The following IL17RD variants were observed in gnomAD, a reference collection of about 807,000 sequenced individuals.
IL17RD encodes the protein interleukin 17 receptor D.
A neutral mutation model predicts 80.5 loss-of-function variants in IL17RD; 52 were observed. The observed-to-expected ratio is 0.65, with a 90% CI of 0.52 to 0.81. IL17RD has a LOEUF of 0.81. IL17RD is among the 40% of genes least tolerant of loss of function. The pLI is 0.00. For synonymous variants in IL17RD, 416 were observed against 391.8 expected (o/e 1.06, Z -0.73); for missense variants, 1,024 against 955.1 (o/e 1.07, Z -0.95).
intron 11 of IL17RD, among the ~76,000 whole-genome samples, chr3:57,099,481 T>C (rs1036427915): frequency 2.0e-5 from 3 of 152,220 alleles, no homozygotes; most frequent in African/African-American, 4.8e-5. Context: ...TCCCAATGGC[T>C]ATGACGAAAC....
At chr3:57,111,004 C>A (rs940188482) in intron 3 of IL17RD, among the ~76,000 whole-genome samples, 5 of 152,248 alleles carry the variant, frequency 3.3e-5, no homozygotes, top group Non-Finnish European at 4.4e-5. Flanking sequence ...GAGCTCCCCC[C>A]ACTGCACGTC....
At chr3:57,169,772 G>C (rs1376851674), upstream of IL17RD, among the ~76,000 whole-genome samples, 2 of 152,212 alleles carry the variant, frequency 1.3e-5, no homozygotes, top group African/African-American at 4.8e-5. Context: ...GAGGGTGCAA[G>C]GTTTCCCAGG....
intron 1 of IL17RD, among the ~76,000 whole-genome samples, chr3:57,149,941 C>T (rs149609130): frequency 4.5e-4 from 68 of 152,220 alleles, no homozygotes; most frequent in Admixed American, 1.4e-3. Context: ...TGTATGGGTC[C>T]ACAAGTTATA....
intron 2 of IL17RD, among the ~76,000 whole-genome samples, chr3:57,116,486 T>C (rs1707219893): frequency 6.6e-6 from 1 of 151,982 alleles, no homozygotes; most frequent in African/African-American, 2.4e-5. Context: ...GGTTTCTCCA[T>C]GTTGGTCAGG....
intron 1 of IL17RD, chr3:57,142,514 C>G (rs973091640): frequency 3.1e-6 from 4 of 1,288,024 alleles, no homozygotes; most frequent in African/African-American, 3.0e-5. Flanking sequence ...CATCCCTCCC[C>G]CTCCAACCGC....
intron 1 of IL17RD, among the ~76,000 whole-genome samples, chr3:57,121,069 G>T (rs1707327918): frequency 6.6e-6 from 1 of 152,132 alleles, no homozygotes; most frequent in Admixed American, 6.5e-5. Context: ...AGAAAGAGCA[G>T]CTACAGATCT....
At chr3:57,153,580 T>C (rs1253507542) in intron 1 of IL17RD, among the ~76,000 whole-genome samples, 1 of 152,238 alleles carries the variant, frequency 6.6e-6, no homozygotes, top group East Asian at 1.9e-4. Context: ...AAAGAAATTA[T>C]GAATGACATT....
At chr3:57,154,681 T>A (rs546395849) in intron 1 of IL17RD, among the ~76,000 whole-genome samples, 1 of 152,194 alleles carries the variant, frequency 6.6e-6, no homozygotes, top group Admixed American at 6.5e-5. Context: ...GACAGTCACC[T>A]TGGGCATGCC....
chr3:57,110,109 C>T, intron 4 of IL17RD, 84 bp downstream of exon 4: 1 of 1,493,508 alleles, frequency 6.7e-7, no homozygotes, highest in Non-Finnish European at 9.1e-7. Flanking sequence ...GCCCCTCCTT[C>T]TCCAATTTCA....
intron 1 of IL17RD, chr3:57,134,687 C>T: frequency 1.4e-6 from 1 of 716,172 alleles, no homozygotes; most frequent in Non-Finnish European, 2.6e-6. Context: ...AGGAGATCAT[C>T]AAGACTTTGT....
Position 57,091,240 on chromosome 3 carries a change from AG to A in IL17RD, c.*5152del, listed in dbSNP as rs894047885. 72 of 152,744 alleles carry A rather than the reference AG, an allele frequency of 4.7e-4. No individual in the cohort carries two copies. Among genetic ancestry groups the A allele is most frequent in the African/African-American group, 1.7e-3 (70 of 41,564 alleles). 9.5% of individuals were successfully genotyped at this position (152,744 alleles called of 1,614,324 possible). On this transcript the variant is annotated 3_prime_UTR_variant, in exon 13 of 13. Transcript: ENST00000296318. ...GAGGGAGGGGTAGCTGCCACTCAGA[AG>A]GTAAGAGCTGGTCTCAGAGTATACA... is the stretch of plus-strand genomic sequence containing the variant.
At chr3:57,138,985 C>CTT (rs984979082) in intron 1 of IL17RD, among the ~76,000 whole-genome samples, 2 of 144,224 alleles carry the variant, frequency 1.4e-5, no homozygotes, top group Admixed American at 6.9e-5. Context: ...GAAAGAGGGT[C>CTT]TTTTTTTAAA....
intron 1 of IL17RD, among the ~76,000 whole-genome samples, chr3:57,138,762 C>G (rs1707775608): frequency 6.6e-6 from 1 of 151,480 alleles, no homozygotes; most frequent in South Asian, 2.1e-4. Context: ...ATGAAGAAAC[C>G]CCATCTCTAC....
intron 2 of IL17RD, among the ~76,000 whole-genome samples, chr3:57,119,074 C>G (rs188686478): frequency 2.0e-5 from 3 of 151,982 alleles, no homozygotes; most frequent in African/African-American, 7.3e-5. Context: ...GGTGTGTGGC[C>G]GGGCGCGGTG....
At chr3:57,165,048 G>A (rs1287729151) in intron 1 of IL17RD, 113 bp downstream of exon 1, 1 of 1,356,836 alleles carries the variant, frequency 7.4e-7, no homozygotes, top group Non-Finnish European at 9.4e-7. Context: ...GGCCGGCCGC[G>A]GACCCCGCGA....
At chr3:57,166,256 C>T (rs1301048672), upstream of IL17RD, among the ~76,000 whole-genome samples, 1 of 152,186 alleles carries the variant, frequency 6.6e-6, no homozygotes, top group Admixed American at 6.5e-5. Context: ...AGAATACCAC[C>T]TCCTCTTCCT....
At chr3:57,157,557 G>A (rs541041372) in intron 1 of IL17RD, among the ~76,000 whole-genome samples, 9 of 152,348 alleles carry the variant, frequency 5.9e-5, no homozygotes, top group Non-Finnish European at 1.0e-4. Flanking sequence ...TCCTAACCGT[G>A]TGAGTGCCTG....
intron 12 of IL17RD, among the ~76,000 whole-genome samples, chr3:57,097,177 A>G (rs1045415331): frequency 2.6e-5 from 4 of 152,018 alleles, no homozygotes; most frequent in African/African-American, 9.7e-5. Context: ...TACTGTACCC[A>G]TGAATCCCAG....
At chr3:57,163,826 G>C (rs1489003226) in intron 1 of IL17RD, among the ~76,000 whole-genome samples, 1 of 142,572 alleles carries the variant, frequency 7.0e-6, no homozygotes, top group Non-Finnish European at 1.5e-5. Flanking sequence ...GGCGGAGGCA[G>C]AGCAGGGGTC....
Sources: gnomAD v4.1 joint callset for allele counts (sites outside exome capture counted in the v4.1 genomes callset) on GRCh38, gnomAD v4.1.1 for gene constraint, MANE v1.5 for transcripts, NCBI Gene and HGNC (gene_info 2026-07-23, HGNC 2026-07-21) for gene names.